Variants in COL25A1 observed in about 807,000 individuals in gnomAD.
COL25A1 encodes collagen alpha-1(XXV) chain.
Under a neutral mutation model 128.4 loss-of-function variants are expected in COL25A1, and 103 were observed. That is an observed-to-expected ratio of 0.80 (90% CI 0.68 to 0.94). The LOEUF is 0.94. Among genes scored for constraint, COL25A1 ranks in the 40% least tolerant of loss-of-function variants. The pLI is 0.00. For synonymous variants in COL25A1, 279 were observed against 277.2 expected (o/e 1.01, Z -0.06); for missense variants, 745 against 840.0 (o/e 0.89, Z 1.40).
chr4:109,078,289 C>T (rs72883496), intron 3 of COL25A1, among the ~76,000 whole-genome samples: 17,551 of 152,036 alleles, frequency 0.12, 1,308 homozygotes, highest in African/African-American at 0.21. Context: ...AAGTAGCCTC[C>T]GATACTTATG....
chr4:109,218,357 G>GTTTTTTTTTTGTTTGTTT (rs1553961829), intron 3 of COL25A1, among the ~76,000 whole-genome samples: 45 of 73,524 alleles, frequency 6.1e-4, no homozygotes, highest in Admixed American at 1.0e-3. Context: ...GTTTTTTGGG[G>GTTTTTTTTTTGTTTGTTT]TTTTTTTTTT....
chr4:109,056,693 T>C (rs1329152088), intron 3 of COL25A1, among the ~76,000 whole-genome samples: 1 of 152,070 alleles, frequency 6.6e-6, no homozygotes, highest in African/African-American at 2.4e-5. Flanking sequence ...TATCAGTATA[T>C]ACATTAGACC....
intron 3 of COL25A1, among the ~76,000 whole-genome samples, chr4:109,145,871 GA>G (rs1318463553): frequency 6.6e-6 from 1 of 152,008 alleles, no homozygotes; most frequent in Admixed American, 6.6e-5. Flanking sequence ...AAAAAAGAGA[GA>G]AAGTATAAAA....
chr4:109,060,233 A>G (rs1761839052), intron 3 of COL25A1, among the ~76,000 whole-genome samples: 1 of 152,214 alleles, frequency 6.6e-6, no homozygotes, highest in Non-Finnish European at 1.5e-5. Context: ...GTGCCAGTAA[A>G]GGCAAGTGCT....
chr4:109,297,838 G>T (rs1383930529), intron 3 of COL25A1, among the ~76,000 whole-genome samples: 2 of 133,828 alleles, frequency 1.5e-5, no homozygotes, highest in Admixed American at 7.7e-5. Flanking sequence ...CCTAAGGAAG[G>T]TATTATTAGT....
chr4:109,256,122 T>TGTGTGTGTG (rs35464450), intron 3 of COL25A1, among the ~76,000 whole-genome samples: 2 of 113,398 alleles, frequency 1.8e-5, no homozygotes, highest in African/African-American at 8.4e-5. Flanking sequence ...GTGTGTGTGT[T>TGTGTGTGTG]TGAGTACAAA....
intron 3 of COL25A1, among the ~76,000 whole-genome samples, chr4:109,062,459 T>C (rs1459648085): frequency 6.6e-6 from 1 of 152,172 alleles, no homozygotes; most frequent in Non-Finnish European, 1.5e-5. Flanking sequence ...TATAGAAGAA[T>C]TGTAATAATC....
intron 8 of COL25A1, among the ~76,000 whole-genome samples, chr4:108,970,389 T>C (rs1751783600): frequency 1.3e-5 from 2 of 152,230 alleles, no homozygotes; most frequent in Non-Finnish European, 2.9e-5. Context: ...CTTAACCTAC[T>C]TATTGGCAAA....
chr4:109,034,197 C>T (rs1423099309), intron 5 of COL25A1, among the ~76,000 whole-genome samples: 2 of 152,106 alleles, frequency 1.3e-5, no homozygotes, highest in African/African-American at 2.4e-5. Context: ...GCTCTGCATA[C>T]AGAAACAGAA....
At chr4:109,182,395 A>G (rs1259672720) in intron 3 of COL25A1, among the ~76,000 whole-genome samples, 1 of 152,158 alleles carries the variant, frequency 6.6e-6, no homozygotes, top group Non-Finnish European at 1.5e-5. Context: ...GAAGCATGTC[A>G]AGAGAGTCTA....
chr4:109,109,954 T>C (rs557375753), intron 3 of COL25A1, among the ~76,000 whole-genome samples: 1 of 152,284 alleles, frequency 6.6e-6, no homozygotes, highest in African/African-American at 2.4e-5. Context: ...AAATCCCTCA[T>C]TTCCATCTTA....
intron 19 of COL25A1, among the ~76,000 whole-genome samples, chr4:108,874,646 T>C (rs1739212035): frequency 6.6e-6 from 1 of 152,172 alleles, no homozygotes; most frequent in South Asian, 2.1e-4. Flanking sequence ...GCAAGTAAAA[T>C]AGCTCTACCA....
intron 3 of COL25A1, among the ~76,000 whole-genome samples, chr4:109,122,835 G>T (rs76662861): frequency 2.0e-5 from 3 of 151,948 alleles, no homozygotes; most frequent in African/African-American, 7.3e-5. Context: ...TGAACATAGA[G>T]AAATATACTT....
chr4:109,215,838 A>G (rs1459127686), intron 3 of COL25A1, among the ~76,000 whole-genome samples: 3 of 152,146 alleles, frequency 2.0e-5, no homozygotes, highest in Non-Finnish European at 4.4e-5. Context: ...CCCTCCTCAA[A>G]GCGATCTTTT....
chr4:109,223,863 G>A (rs964109710), intron 3 of COL25A1, among the ~76,000 whole-genome samples: 1 of 152,134 alleles, frequency 6.6e-6, no homozygotes, highest in African/African-American at 2.4e-5. Context: ...ACAAACTAGT[G>A]TGTGACAAGT....
chr4:109,035,860 C>G (rs2125920846), intron 5 of COL25A1, among the ~76,000 whole-genome samples: 1 of 151,996 alleles, frequency 6.6e-6, no homozygotes, highest in East Asian at 1.9e-4. Flanking sequence ...TCTTCAAACT[C>G]TCTTCTCCTA....
At chr4:109,083,004 CTG>C (rs1461075323) in intron 3 of COL25A1, among the ~76,000 whole-genome samples, 4 of 152,046 alleles carry the variant, frequency 2.6e-5, no homozygotes, top group African/African-American at 9.7e-5. Flanking sequence ...TTTATGAAAA[CTG>C]TAGCATATAA....
In COL25A1 at chr4:109,091,425, C is replaced by T. The variant is rs3113698; in HGVS notation, c.368-41246G>A. Among the ~76,000 whole-genome samples the T allele has an allele frequency of 5.4e-4, 82 of 152,286 alleles. 1 individual carries two copies. Among genetic ancestry groups the T allele is most frequent in the African/African-American group, 1.9e-3 (79 of 41,562 alleles). On this transcript the variant is annotated intron_variant, in intron 3 of 37. Coordinates refer to ENST00000399132, the MANE Select transcript of COL25A1 (RefSeq NM_198721.4). ...CGCTCAAAACCACGACAACAATTGT[C>T]TATACAATTTAATTCTCAATTATCA...
intron 3 of COL25A1, among the ~76,000 whole-genome samples, chr4:109,239,148 A>T (rs1314018677): frequency 6.6e-6 from 1 of 151,866 alleles, no homozygotes; most frequent in Non-Finnish European, 1.5e-5. Flanking sequence ...TTGTTTAATG[A>T]TGGGGATACA....
Sources: gnomAD v4.1 joint callset for allele counts (sites outside exome capture counted in the v4.1 genomes callset) on GRCh38, gnomAD v4.1.1 for gene constraint, MANE v1.5 for transcripts, NCBI Gene and HGNC (gene_info 2026-07-23, HGNC 2026-07-21) for gene names.